Variants in IP6K3 observed in about 807,000 individuals in gnomAD.
IP6K3 encodes inositol hexakisphosphate kinase 3.
IP6K3 carries 20 observed loss-of-function variants against 28.8 expected under a neutral mutation model. The ratio of observed to expected loss-of-function variants is 0.70; its 90% CI spans 0.49 to 1.01. The LOEUF (loss-of-function observed/expected upper bound fraction) is 1.01, where lower values mean the gene tolerates loss of function less well. IP6K3 is among the 50% of genes least tolerant of loss of function. The probability of loss-of-function intolerance (pLI) is 0.00; values close to 1 mark genes in which losing one functional copy is unlikely to be tolerated. For synonymous variants in IP6K3, 213 were observed against 221.3 expected, an observed-to-expected ratio of 0.96 and a Z score of 0.33; for missense variants, 480 against 537.1, an observed-to-expected ratio of 0.89 and a Z score of 1.05.
the IP6K3 span, among the ~76,000 whole-genome samples, chr6:33,758,406 C>T: frequency 6.6e-6 from 1 of 152,052 alleles, no homozygotes; most frequent in South Asian, 2.1e-4. Flanking sequence ...TGGCACGTGC[C>T]TGTAGTCCTG....
chr6:33,750,568 G>T (rs1248034311), upstream of IP6K3, among the ~76,000 whole-genome samples: 1 of 152,154 alleles, frequency 6.6e-6, no homozygotes, highest in Admixed American at 6.5e-5. This position sits in a 1 kb window ranked among gnomAD's most constrained non-coding sequence, Gnocchi z 4.3. Context: ...CTTGCTCCTT[G>T]CCTGTCTCTC....
upstream of IP6K3, among the ~76,000 whole-genome samples, chr6:33,751,420 C>T (rs1428172747): frequency 6.6e-6 from 1 of 152,006 alleles, no homozygotes; most frequent in Non-Finnish European, 1.5e-5. The surrounding 1 kb of genome is among the most constrained non-coding windows in gnomAD (Gnocchi z 4.3). Context: ...GCAGATGGCC[C>T]CACTGACTGG....
intron 2 of IP6K3, among the ~76,000 whole-genome samples, chr6:33,734,842 A>G (rs1007244448): frequency 1.3e-5 from 2 of 152,178 alleles, no homozygotes; most frequent in Non-Finnish European, 2.9e-5. Context: ...GCCACATCGC[A>G]GCATCCCAAG....
chr6:33,739,906 T>C (rs1259953504), intron 1 of IP6K3, among the ~76,000 whole-genome samples: 1 of 152,208 alleles, frequency 6.6e-6, no homozygotes, highest in Non-Finnish European at 1.5e-5. Flanking sequence ...TGCCACAGCC[T>C]TGTCATGATG....
At position 33,722,108 on chromosome 6, in the gene IP6K3, C is replaced by T. The variant is rs911825258; in HGVS notation, c.*612G>A. 2 of 152,184 alleles carry T rather than the reference C, an allele frequency of 1.3e-5. No homozygotes were observed. The highest frequency in any genetic ancestry group is 6.5e-5 in the Admixed American group (1 of 15,292). The allele number at this position is 152,184 out of a possible 1,614,324, so 9.4% of individuals were successfully genotyped here. A position where few individuals can be genotyped will look rare whatever the true frequency, so the allele number is the denominator to read the frequency against. On this transcript the variant is annotated 3_prime_UTR_variant, in exon 6 of 6. Coordinates refer to ENST00000293756, the MANE Select transcript of IP6K3 (RefSeq NM_054111.5). ...CTTTCCACAGGCAAAAATGGAGAAT[C>T]TGGGGTCTTGCTTTGCCAGAGCTCA...
At chr6:33,733,974 G>T (rs1360741760) in intron 2 of IP6K3, among the ~76,000 whole-genome samples, 3 of 152,178 alleles carry the variant, frequency 2.0e-5, no homozygotes, top group Non-Finnish European at 2.9e-5. Context: ...AGGCTGAGGT[G>T]GGTGGATCAC....
At chr6:33,754,761 G>A in the IP6K3 span, among the ~76,000 whole-genome samples, 1 of 152,190 alleles carries the variant, frequency 6.6e-6, no homozygotes, top group Admixed American at 6.5e-5. Flanking sequence ...GGAGGGCAGG[G>A]GATGCTTGGA....
chr6:33,730,393 CA>C (rs1310251010), intron 2 of IP6K3, among the ~76,000 whole-genome samples: 3 of 152,242 alleles, frequency 2.0e-5, no homozygotes, highest in Non-Finnish European at 2.9e-5. Context: ...GAGTGACATT[CA>C]GTTCTCTCCA....
chr6:33,749,555 G>A (rs915530514), upstream of IP6K3, among the ~76,000 whole-genome samples: 1 of 149,466 alleles, frequency 6.7e-6, no homozygotes, highest in Non-Finnish European at 1.5e-5. Flanking sequence ...CTAGTCAGTG[G>A]GGCAGATGGC....
At position 33,725,633 on chromosome 6, in the gene IP6K3, A is replaced by G. The variant is rs779832197; in HGVS notation, c.590-17T>C. 6.2e-7 allele frequency: 1 copy of G among 1,610,028 alleles called. No homozygotes were observed. Reference sequence around the variant, plus strand: ...ACAAGAACCCTAGTCACACTAAGTTAAGGAAGGCTCTGAGGACTTCAGAAC... The same window carrying G: ...ACAAGAACCCTAGTCACACTAAGTTGAGGAAGGCTCTGAGGACTTCAGAAC... On this transcript the variant is annotated splice_polypyrimidine_tract_variant and intron_variant, in intron 4 of 5. Transcript: ENST00000293756.
At chr6:33,743,140 C>T (rs969274930) in intron 1 of IP6K3, among the ~76,000 whole-genome samples, 2 of 152,132 alleles carry the variant, frequency 1.3e-5, no homozygotes, top group African/African-American at 4.8e-5. Flanking sequence ...TGGCCTGGGC[C>T]CCAGCTCAGT....
intron 2 of IP6K3, among the ~76,000 whole-genome samples, chr6:33,732,799 A>G (rs1180208414): frequency 1.3e-5 from 2 of 152,218 alleles, no homozygotes; most frequent in Non-Finnish European, 2.9e-5. Flanking sequence ...GAGGTTTAGC[A>G]GATGTGGCTT....
chr6:33,751,520 T>TGTGTGTGTG (rs1561914794), upstream of IP6K3, among the ~76,000 whole-genome samples: 146 of 98,434 alleles, frequency 1.5e-3, 2 homozygotes, highest in East Asian at 6.2e-3. This position sits in a 1 kb window ranked among gnomAD's most constrained non-coding sequence, Gnocchi z 4.3. Context: ...GTGTGTGTGT[T>TGTGTGTGTG]TGGCCCCGGG....
At chr6:33,738,658 G>A (rs1436353789) in intron 1 of IP6K3, among the ~76,000 whole-genome samples, 1 of 152,214 alleles carries the variant, frequency 6.6e-6, no homozygotes, top group Admixed American at 6.5e-5. Context: ...TATAGGAAGA[G>A]CAGGGATTTG....
At chr6:33,732,866 G>A (rs1766367102) in intron 2 of IP6K3, among the ~76,000 whole-genome samples, 2 of 152,166 alleles carry the variant, frequency 1.3e-5, no homozygotes, top group African/African-American at 4.8e-5. Context: ...TCCCATCTAC[G>A]AGCAGACCTC....
In IP6K3 at chr6:33,735,589, C is replaced by T; in HGVS notation, c.-113G>A. ...GGCTGTCAGCGGTCCTCAACTTTCTCCTTCTTGGCCTTTATTGCTGTCATA... is the reference window on the plus strand; with the variant it reads ...GGCTGTCAGCGGTCCTCAACTTTCTTCTTCTTGGCCTTTATTGCTGTCATA... On this transcript the variant is annotated 5_prime_UTR_variant, in exon 2 of 6. Coordinates refer to ENST00000293756, the MANE Select transcript of IP6K3 (RefSeq NM_054111.5). 1 of 1,497,558 alleles carries T rather than the reference C, an allele frequency of 6.7e-7. No individual in the cohort carries two copies. 92.8% of individuals were successfully genotyped at this position (1,497,558 alleles called of 1,614,324 possible).
chr6:33,729,724 T>C (rs1047180715), intron 2 of IP6K3, among the ~76,000 whole-genome samples: 2 of 152,054 alleles, frequency 1.3e-5, no homozygotes, highest in Admixed American at 1.3e-4. Flanking sequence ...TTCTTTCTTT[T>C]TTTTTTTGAG....
At chr6:33,757,422 CTAATG>C in the IP6K3 span, among the ~76,000 whole-genome samples, 1 of 152,196 alleles carries the variant, frequency 6.6e-6, no homozygotes, top group African/African-American at 2.4e-5. Flanking sequence ...TGTCGTAACA[CTAATG>C]TAAACATGGG....
intron 4 of IP6K3, 104 bp from the exon 5 acceptor site, chr6:33,725,720 G>A: frequency 9.8e-7 from 1 of 1,024,758 alleles, no homozygotes; most frequent in South Asian, 1.6e-5. Context: ...CCTATTCTGG[G>A]CACCATTCTT....
Sources: gnomAD v4.1 joint callset for allele counts (sites outside exome capture counted in the v4.1 genomes callset) on GRCh38, gnomAD v4.1.1 for gene constraint, Gnocchi (gnomAD v3.1) non-coding constraint, MANE v1.5 for transcripts, NCBI Gene and HGNC (gene_info 2026-07-23, HGNC 2026-07-21) for gene names.